CAMTA1: variants seen among roughly 807,000 people sequenced by gnomAD.
CAMTA1 encodes calmodulin binding transcription activator 1, also known as calmodulin-binding transcription activator 1.
A neutral mutation model predicts 170.9 loss-of-function variants in CAMTA1; 27 were observed. That is an observed-to-expected ratio of 0.16 (90% CI 0.12 to 0.22). The LOEUF is 0.22. CAMTA1 is among the 10% of genes least tolerant of loss of function. The probability of loss-of-function intolerance (pLI) is 1.00; values close to 1 mark genes in which losing one functional copy is unlikely to be tolerated. For synonymous variants in CAMTA1, 833 were observed against 891.5 expected, an observed-to-expected ratio of 0.93 and a Z score of 1.17; for missense variants, 1,619 against 2,217.2, an observed-to-expected ratio of 0.73 and a Z score of 5.42.
At chr1:7,502,869 A>C (rs1263252802) in intron 6 of CAMTA1, among the ~76,000 whole-genome samples, 1 of 152,196 alleles carries the variant, frequency 6.6e-6, no homozygotes, top group African/African-American at 2.4e-5. Flanking sequence ...ACAAGGGCTG[A>C]AGCGAGGCAG....
At chr1:7,123,528 C>T (rs1348575829) in intron 4 of CAMTA1, among the ~76,000 whole-genome samples, 1 of 152,192 alleles carries the variant, frequency 6.6e-6, no homozygotes, top group Admixed American at 6.5e-5. Flanking sequence ...CTGCCCTCTC[C>T]ACACCTGCTC....
intron 5 of CAMTA1, among the ~76,000 whole-genome samples, chr1:7,459,980 G>T (rs1410175283): frequency 6.6e-6 from 1 of 152,238 alleles, no homozygotes; most frequent in African/African-American, 2.4e-5. Flanking sequence ...CTGGAAATCT[G>T]CTTCAATACA....
chr1:6,945,870 A>C (rs966655220), intron 3 of CAMTA1, among the ~76,000 whole-genome samples: 1 of 152,208 alleles, frequency 6.6e-6, no homozygotes, highest in Non-Finnish European at 1.5e-5. Context: ...ATCCTGTTGT[A>C]TGGATTAAGC....
chr1:7,621,975 C>A (rs555288291), intron 6 of CAMTA1, among the ~76,000 whole-genome samples: 1 of 152,326 alleles, frequency 6.6e-6, no homozygotes, highest in Admixed American at 6.5e-5. Context: ...ACCTTGCAAT[C>A]CCGTCAAGTC....
chr1:7,246,629 C>T (rs529914230), intron 4 of CAMTA1, among the ~76,000 whole-genome samples: 1 of 151,766 alleles, frequency 6.6e-6, no homozygotes, highest in East Asian at 1.9e-4. Context: ...ACCCCACTTC[C>T]CTCCTCCTTC....
At chr1:7,737,030 G>T (rs1558257552) in intron 14 of CAMTA1, 21 bp downstream of exon 14, 1 of 1,567,598 alleles carries the variant, frequency 6.4e-7, no homozygotes, top group South Asian at 1.1e-5. Context: ...GATTCCTGTA[G>T]CCCCCCCTTG....
chr1:7,714,727 G>C (rs1285605770), intron 11 of CAMTA1, among the ~76,000 whole-genome samples: 1 of 152,044 alleles, frequency 6.6e-6, no homozygotes, highest in Non-Finnish European at 1.5e-5. Context: ...TCACCATGTT[G>C]GTCAGGCTGG....
intron 6 of CAMTA1, among the ~76,000 whole-genome samples, chr1:7,496,808 C>T (rs1009365450): frequency 1.3e-5 from 2 of 151,970 alleles, no homozygotes; most frequent in East Asian, 1.9e-4. Flanking sequence ...GCCCCAGGCA[C>T]GGCCAGGGAA....
chr1:7,326,498 T>TAA (rs1397230299), intron 5 of CAMTA1, among the ~76,000 whole-genome samples: 3 of 152,212 alleles, frequency 2.0e-5, no homozygotes, highest in Admixed American at 6.5e-5. Flanking sequence ...GAGGTCAGAC[T>TAA]AAAGTGAGCT....
Position 7,547,385 on chromosome 1 carries a change from C to G in CAMTA1, c.510+79484C>G. On this transcript the variant is annotated intron_variant, in intron 6 of 22. Coordinates refer to ENST00000303635, the MANE Select transcript of CAMTA1 (RefSeq NM_015215.4). The surrounding 1 kb of genome is among the most constrained non-coding windows in gnomAD (Gnocchi z 5.7). ...ACACACACACACACACACACACACACACACAGAGTTGGCCTTCCACATTCA... is the reference window on the plus strand; with the variant it reads ...ACACACACACACACACACACACACAGACACAGAGTTGGCCTTCCACATTCA... 7.2e-6 allele frequency among the ~76,000 whole-genome samples: 1 copy of G among 139,276 alleles called. No individual in the cohort carries two copies. Among genetic ancestry groups the G allele is most frequent in the Non-Finnish European group, 1.6e-5 (1 of 63,132 alleles). The allele number at this position is 139,276 out of a possible 152,430, so 91.4% of individuals were successfully genotyped here.
intron 17 of CAMTA1, 108 bp downstream of exon 17, chr1:7,745,130 A>G: frequency 9.9e-7 from 1 of 1,013,464 alleles, no homozygotes; most frequent in South Asian, 1.7e-5. Context: ...AGACCATACC[A>G]AGGAAGGAAG....
chr1:7,601,554 G>C lies in CAMTA1; in HGVS notation c.511-38846G>C, dbSNP rs1324934704. ...CAGACAGGGTGGCGGCCGGGCAGAGGCTGCAATCTCGGCACTTTGGGAGGC... is the reference window on the plus strand; with the variant it reads ...CAGACAGGGTGGCGGCCGGGCAGAGCCTGCAATCTCGGCACTTTGGGAGGC... On this transcript the variant is annotated intron_variant, in intron 6 of 22. Transcript: ENST00000303635. Among the ~76,000 whole-genome samples, 8 of 152,348 alleles carry C rather than the reference G, an allele frequency of 5.3e-5. No individual in the cohort carries two copies. In the East Asian group the frequency reaches 1.5e-3, roughly 30 times the overall value.
chr1:7,712,872 C>T (rs575020378), intron 11 of CAMTA1, among the ~76,000 whole-genome samples: 9 of 152,208 alleles, frequency 5.9e-5, no homozygotes, highest in South Asian at 2.1e-4. Flanking sequence ...GGCGAGAGGA[C>T]GTGTGCAGGG....
At chr1:7,199,857 G>A (rs1263198389) in intron 4 of CAMTA1, among the ~76,000 whole-genome samples, 2 of 152,162 alleles carry the variant, frequency 1.3e-5, no homozygotes, top group Admixed American at 1.3e-4. Context: ...CCCGCCACCA[G>A]CTTGAGAAGT....
intron 3 of CAMTA1, among the ~76,000 whole-genome samples, chr1:6,929,352 TTTTTTTTGTTTGTTTG>T (rs1683958692): frequency 6.7e-6 from 1 of 149,810 alleles, no homozygotes; most frequent in Admixed American, 6.6e-5. Context: ...GCTAATTTTT[TTTTTTTTGTTTGTTTG>T]TTTGTTTGTT....
chr1:6,880,515 G>A (rs1048361070), intron 3 of CAMTA1, among the ~76,000 whole-genome samples: 5 of 148,424 alleles, frequency 3.4e-5, no homozygotes, highest in African/African-American at 1.3e-4. Flanking sequence ...TCAGCCTCCT[G>A]AGTAACTGGG....
At chr1:7,754,098 C>T (rs1171700968) in intron 21 of CAMTA1, among the ~76,000 whole-genome samples, 2 of 152,186 alleles carry the variant, frequency 1.3e-5, no homozygotes, top group African/African-American at 2.4e-5. Context: ...TTCTCCAATA[C>T]GTTCATAGTT....
chr1:6,922,182 C>T (rs2149327756), intron 3 of CAMTA1, among the ~76,000 whole-genome samples: 1 of 151,606 alleles, frequency 6.6e-6, no homozygotes, highest in Non-Finnish European at 1.5e-5. Flanking sequence ...TTTTTTTTGC[C>T]AAAAACTCAC....
intron 4 of CAMTA1, among the ~76,000 whole-genome samples, chr1:7,149,852 T>C (rs1447836118): frequency 6.6e-6 from 1 of 152,152 alleles, no homozygotes; most frequent in Admixed American, 6.5e-5. Context: ...TGTGTGCCTG[T>C]GGGGAGCAGC....
Sources: allele counts gnomAD v4.1 joint callset (sites outside exome capture counted in the v4.1 genomes callset), GRCh38; gene constraint gnomAD v4.1.1; non-coding constraint Gnocchi (gnomAD v3.1); transcripts MANE v1.5; gene names NCBI Gene and HGNC (gene_info 2026-07-23, HGNC 2026-07-21).